Variants in NECAB1 observed in about 807,000 individuals in gnomAD.
The protein encoded by NECAB1 is N-terminal EF-hand calcium binding protein 1.
In NECAB1, 29 loss-of-function variants were observed where a neutral mutation model predicts 57.5. The observed-to-expected ratio is 0.50, with a 90% confidence interval of 0.38 to 0.69. The LOEUF is 0.69. NECAB1 is among the 30% of genes least tolerant of loss of function. The pLI is 0.00. For missense variants in NECAB1, 372 were observed against 413.8 expected (o/e 0.90, Z 0.88); for synonymous variants, 142 against 147.7 (o/e 0.96, Z 0.28).
chr8:90,890,381 G>A (rs1204972828), intron 5 of NECAB1, among the ~76,000 whole-genome samples: 3 of 152,240 alleles, frequency 2.0e-5, no homozygotes, highest in Non-Finnish European at 4.4e-5. Flanking sequence ...ATGATTGTAA[G>A]TTTCCTGAGG....
At chr8:90,863,491 G>A (rs988697303) in intron 3 of NECAB1, among the ~76,000 whole-genome samples, 16 of 152,164 alleles carry the variant, frequency 1.1e-4, no homozygotes, top group African/African-American at 3.6e-4. Flanking sequence ...GCTTTCTTAA[G>A]TTAGGACAAT....
At chr8:90,859,580 A>T (rs1812857962) in intron 3 of NECAB1, among the ~76,000 whole-genome samples, 1 of 152,090 alleles carries the variant, frequency 6.6e-6, no homozygotes, top group Admixed American at 6.6e-5. Flanking sequence ...GGATGCAGGG[A>T]TCTGGTGAAT....
intron 2 of NECAB1, among the ~76,000 whole-genome samples, chr8:90,804,542 AAT>A (rs1811816693): frequency 6.6e-6 from 1 of 152,074 alleles, no homozygotes; most frequent in African/African-American, 2.4e-5. Context: ...AGAAATCGCA[AAT>A]ATATGAGGTG....
intron 5 of NECAB1, among the ~76,000 whole-genome samples, chr8:90,908,971 A>T (rs1369671194): frequency 6.6e-6 from 1 of 151,942 alleles, no homozygotes; most frequent in African/African-American, 2.4e-5. Context: ...TTATTTATAT[A>T]TTTTTACAGT....
At chr8:90,880,926 C>A in intron 4 of NECAB1, 107 bp from the exon 5 acceptor site, 1 of 743,698 alleles carries the variant, frequency 1.3e-6, no homozygotes, top group Non-Finnish European at 2.2e-6. Context: ...TCACTTATAG[C>A]TGACATTTTG....
chr8:90,911,107 A>G (rs1437364183), intron 5 of NECAB1, among the ~76,000 whole-genome samples: 1 of 152,146 alleles, frequency 6.6e-6, no homozygotes, highest in Non-Finnish European at 1.5e-5. Flanking sequence ...CAACATGGCC[A>G]TCTTCCCCAA....
At chr8:90,909,785 G>T (rs534089927) in intron 5 of NECAB1, among the ~76,000 whole-genome samples, 2 of 152,020 alleles carry the variant, frequency 1.3e-5, no homozygotes, top group East Asian at 3.9e-4. Flanking sequence ...TGATGTGTTT[G>T]TTCTGAGTCG....
intron 3 of NECAB1, among the ~76,000 whole-genome samples, chr8:90,860,238 C>CTTTT (rs34293565): frequency 1.5e-5 from 2 of 136,866 alleles, no homozygotes; most frequent in Admixed American, 7.4e-5. Flanking sequence ...TCTTTTTTTT[C>CTTTT]TTTTTTTTTT....
At chr8:90,939,605 T>C (rs988632250) in intron 9 of NECAB1, among the ~76,000 whole-genome samples, 2 of 152,164 alleles carry the variant, frequency 1.3e-5, no homozygotes, top group Admixed American at 6.5e-5. Flanking sequence ...ATTATCTGAG[T>C]TAGTAATCAC....
chr8:90,886,290 A>AT (rs997991249), intron 5 of NECAB1, among the ~76,000 whole-genome samples: 44 of 148,758 alleles, frequency 3.0e-4, no homozygotes, highest in East Asian at 2.7e-3. Flanking sequence ...AGTCCTACTG[A>AT]TTTTTTTTTT....
chr8:90,931,043 G>A lies in NECAB1; in HGVS notation c.693+2744G>A, dbSNP rs577112513. 3.5e-3 allele frequency among the ~76,000 whole-genome samples: 538 copies of A among 152,076 alleles called. 4 individuals carry two copies. Among genetic ancestry groups the A allele is most frequent in the Non-Finnish European group, 6.5e-3 (443 of 67,986 alleles). On this transcript the variant is annotated intron_variant, in intron 8 of 12. Coordinates refer to ENST00000417640, the MANE Select transcript of NECAB1 (RefSeq NM_022351.5). ...CCTTTTTTTCTAACTTTAAATCAAA[G>A]TATGTGACATTTCTTTTTTTTCTAG...
intron 3 of NECAB1, among the ~76,000 whole-genome samples, chr8:90,870,617 A>G (rs1442998118): frequency 6.6e-6 from 1 of 152,200 alleles, no homozygotes; most frequent in Non-Finnish European, 1.5e-5. Flanking sequence ...TAGCTTGACA[A>G]TTTTATCTTC....
intron 3 of NECAB1, among the ~76,000 whole-genome samples, chr8:90,871,756 G>A (rs558893779): frequency 9.9e-4 from 151 of 152,172 alleles, no homozygotes; most frequent in African/African-American, 3.3e-3. Flanking sequence ...TCCTCATCTT[G>A]GGTCAGACGA....
intron 3 of NECAB1, among the ~76,000 whole-genome samples, chr8:90,837,303 G>T (rs1262945498): frequency 6.6e-6 from 1 of 152,162 alleles, no homozygotes; most frequent in African/African-American, 2.4e-5. Context: ...TAAAACTCCA[G>T]ATAGAACAGA....
At chr8:90,836,592 C>A (rs931801065) in intron 3 of NECAB1, among the ~76,000 whole-genome samples, 4 of 152,154 alleles carry the variant, frequency 2.6e-5, no homozygotes, top group Non-Finnish European at 5.9e-5. Context: ...TCATTGCTGT[C>A]AGATTAAAAT....
At chr8:90,924,499 G>A (rs975370591) in intron 6 of NECAB1, among the ~76,000 whole-genome samples, 4 of 152,070 alleles carry the variant, frequency 2.6e-5, no homozygotes, top group African/African-American at 9.7e-5. Context: ...AAACACAGAA[G>A]GATTATATCT....
At chr8:90,880,477 T>A (rs1196868770) in intron 4 of NECAB1, among the ~76,000 whole-genome samples, 3 of 152,036 alleles carry the variant, frequency 2.0e-5, no homozygotes, top group African/African-American at 7.2e-5. Context: ...ATATTATTTA[T>A]TCCTAGCAAC....
chr8:90,901,408 T>C (rs1232873964), intron 5 of NECAB1, among the ~76,000 whole-genome samples: 1 of 152,220 alleles, frequency 6.6e-6, no homozygotes. Flanking sequence ...TTGACCCTTG[T>C]AGCCTCATGA....
At chr8:90,875,867 G>A (rs915758489) in intron 4 of NECAB1, among the ~76,000 whole-genome samples, 5 of 87,540 alleles carry the variant, frequency 5.7e-5, no homozygotes, top group Non-Finnish European at 1.0e-4. Context: ...AAAAATTACC[G>A]GGCGTGGTGG....
Sources: gnomAD v4.1 joint callset for allele counts (sites outside exome capture counted in the v4.1 genomes callset) on GRCh38, gnomAD v4.1.1 for gene constraint, MANE v1.5 for transcripts, NCBI Gene and HGNC (gene_info 2026-07-23, HGNC 2026-07-21) for gene names.